The following HEG1 variants were observed in gnomAD, a reference collection of about 807,000 sequenced individuals.
The protein encoded by HEG1 is protein HEG homolog 1.
In HEG1, 56 loss-of-function variants were observed where a neutral mutation model predicts 125.6. That is an observed-to-expected ratio of 0.45 (90% confidence interval 0.36 to 0.56). HEG1 has a LOEUF of 0.56. Ranked by LOEUF, HEG1 falls within the 20% of genes least tolerant of loss-of-function variation. HEG1 has a pLI of 0.00. For missense variants in HEG1, 1,523 were observed against 1,670.0 expected (o/e 0.91, Z 1.53); for synonymous variants, 644 against 668.5 (o/e 0.96, Z 0.57).
rs930191321 is a variant in HEG1 at position 125,021,243 on chromosome 3, T to C, written c.914-113A>G. ...TTTTGGTGGATACATCTAAATACCA[T>C]GGACCTAATATAGATACAAACATAT... On this transcript the variant is annotated intron_variant, in intron 3 of 16. Transcript: ENST00000311127. 15 of 755,970 alleles carry C rather than the reference T, an allele frequency of 2.0e-5. No individual in the cohort carries two copies. In the East Asian group the frequency reaches 2.4e-4, roughly 12 times the overall value. 46.8% of individuals were successfully genotyped at this position (755,970 alleles called of 1,614,324 possible).
intron 10 of HEG1, 32 bp from the exon 11 acceptor site, chr3:125,002,044 C>T: frequency 6.2e-7 from 1 of 1,612,158 alleles, no homozygotes; most frequent in Non-Finnish European, 8.5e-7. Context: ...TTTTAACAGC[C>T]CTGAAATGAC....
intron 5 of HEG1, among the ~76,000 whole-genome samples, chr3:125,018,823 G>GGAA (rs1192330826): frequency 2.7e-5 from 4 of 150,618 alleles, no homozygotes; most frequent in African/African-American, 9.8e-5. Flanking sequence ...AAATAAGGAA[G>GGAA]GAAGGTGGAG....
At position 125,027,377 on chromosome 3, in the gene HEG1, A is replaced by G; in HGVS notation, c.741T>C (p.Thr247=). Residue 247 remains threonine (T), a synonymous_variant, in exon 3 of 17, where the codon ACT becomes ACC. Coordinates refer to ENST00000311127, the MANE Select transcript of HEG1 (RefSeq NM_020733.2). The part of the protein sequence containing the change: ...ERAMGLSEEW[T]VHSQEATTSA... ...AAGTGGTGGCCTCTTGGCTGTGCAC[A>G]GTCCATTCTTCTGACAGCCCCATCG... 6.2e-7 allele frequency: 1 copy of G among 1,614,016 alleles called. No individual in the cohort carries two copies. The highest frequency in any genetic ancestry group is 2.2e-5 in the East Asian group (1 of 44,888).
intron 16 of HEG1, among the ~76,000 whole-genome samples, chr3:124,972,987 G>GTTT (rs1003587023): frequency 6.6e-6 from 1 of 150,598 alleles, no homozygotes; most frequent in Admixed American, 6.7e-5. Flanking sequence ...CCCCTAGTTG[G>GTTT]TTTTTTTGTT....
At chr3:124,987,017 G>A (rs1337957453) in intron 14 of HEG1, among the ~76,000 whole-genome samples, 5 of 152,018 alleles carry the variant, frequency 3.3e-5, no homozygotes, top group African/African-American at 9.7e-5. Context: ...TCTTCCATTC[G>A]CTGAGAAACA....
At chr3:125,005,014 T>C (rs373911344) in intron 9 of HEG1, among the ~76,000 whole-genome samples, 2 of 152,162 alleles carry the variant, frequency 1.3e-5, no homozygotes, top group African/African-American at 4.8e-5. Flanking sequence ...AGTTTGCACA[T>C]GGAAAAGAAA....
At chr3:124,990,369 C>T (rs1408424852) in intron 14 of HEG1, among the ~76,000 whole-genome samples, 1 of 149,872 alleles carries the variant, frequency 6.7e-6, no homozygotes. Context: ...AACGAAGTGT[C>T]GCTCTGTAAC....
At chr3:125,044,442 A>G (rs924541373) in intron 1 of HEG1, among the ~76,000 whole-genome samples, 3 of 152,172 alleles carry the variant, frequency 2.0e-5, no homozygotes, top group African/African-American at 7.2e-5. Context: ...AATGATTATT[A>G]TTGTTATATT....
At chr3:124,995,995 C>T (rs1013521945) in intron 12 of HEG1, among the ~76,000 whole-genome samples, 3 of 152,208 alleles carry the variant, frequency 2.0e-5, no homozygotes, top group Admixed American at 1.3e-4. Flanking sequence ...CCTCTGCCCA[C>T]CTTGTGTCAT....
chr3:125,026,517 G>A (rs991418542), intron 3 of HEG1, among the ~76,000 whole-genome samples: 1 of 152,130 alleles, frequency 6.6e-6, no homozygotes, highest in African/African-American at 2.4e-5. Context: ...CTAATATCAC[G>A]CCTTGCAAAC....
intron 14 of HEG1, among the ~76,000 whole-genome samples, chr3:124,981,854 A>G (rs992357945): frequency 6.6e-6 from 1 of 151,308 alleles, no homozygotes; most frequent in African/African-American, 2.4e-5. Context: ...TTACATATGC[A>G]CACACACACA....
rs550349540 is a variant in HEG1, at chr3:125,029,019, G to A, written c.610+176C>T. On this transcript the variant is annotated intron_variant, in intron 2 of 16. Transcript: ENST00000311127. ...ACCAGCAAATCTGCACCCTTGTCTGGTCTGTATTGGCAAGCATAATACATA... is the reference window on the plus strand; with the variant it reads ...ACCAGCAAATCTGCACCCTTGTCTGATCTGTATTGGCAAGCATAATACATA... Among the ~76,000 whole-genome samples the A allele has an allele frequency of 3.3e-5, 5 of 152,302 alleles. No homozygotes were observed. In the South Asian group the frequency reaches 1.0e-3, roughly 32 times the overall value.
chr3:125,019,669 G>T (rs990534295), intron 4 of HEG1, 72 bp from the exon 5 acceptor site: 1 of 1,191,632 alleles, frequency 8.4e-7, no homozygotes, highest in Non-Finnish European at 1.2e-6. Flanking sequence ...TAAGAAGTGA[G>T]ACCTCTCTAG....
rs1936325706 is a variant in HEG1, at chr3:124,966,950, C to T, written c.*3702G>A. 6.6e-6 allele frequency: 1 copy of T among 152,218 alleles called. No homozygotes were observed. The highest frequency in any genetic ancestry group is 2.4e-5 in the African/African-American group (1 of 41,438). 9.4% of individuals were successfully genotyped at this position (152,218 alleles called of 1,614,324 possible). A position where few individuals can be genotyped will look rare whatever the true frequency, so the allele number is the denominator to read the frequency against. On this transcript the variant is annotated 3_prime_UTR_variant, in exon 17 of 17. Transcript: ENST00000311127. ...CTTCAATGGCATATTCTTGGGTAGC[C>T]ATCCAGCCTAGGAGTCCAAAGATGC...
intron 6 of HEG1, among the ~76,000 whole-genome samples, chr3:125,011,277 T>C (rs1937154512): frequency 6.6e-6 from 1 of 150,666 alleles, no homozygotes; most frequent in South Asian, 2.1e-4. Flanking sequence ...TGAAAACAAA[T>C]GAGCTAAACC....
intron 9 of HEG1, among the ~76,000 whole-genome samples, chr3:125,004,148 G>A (rs1435249233): frequency 1.3e-5 from 2 of 152,252 alleles, no homozygotes; most frequent in Admixed American, 6.5e-5. Context: ...ATCTGACATC[G>A]TCCCTATCAT....
chr3:125,037,485 A>C (rs1937558985), intron 1 of HEG1, among the ~76,000 whole-genome samples: 1 of 152,226 alleles, frequency 6.6e-6, no homozygotes, highest in South Asian at 2.1e-4. Flanking sequence ...TTGATGGCAT[A>C]GCTGAAAGAC....
chr3:124,976,497 ATT>A (rs35716888), intron 15 of HEG1, among the ~76,000 whole-genome samples: 184 of 141,842 alleles, frequency 1.3e-3, no homozygotes, highest in African/African-American at 3.5e-3. Context: ...GCTATTTTCT[ATT>A]TTTTTTTTTT....
chr3:124,987,924 T>TACACACACACACACACACACACACAC lies in HEG1; in HGVS notation c.3733+2837_3733+2862dup, dbSNP rs67009322. Among the ~76,000 whole-genome samples, 105 of 67,584 alleles carry TACACACACACACACACACACACACAC rather than the reference T, an allele frequency of 1.6e-3. 4 individuals carry two copies. Among genetic ancestry groups the TACACACACACACACACACACACACAC allele is most frequent in the Non-Finnish European group, 1.7e-3 (56 of 32,632 alleles). 44.3% of individuals were successfully genotyped at this position (67,584 alleles called of 152,430 possible). Reference sequence around the variant, plus strand: ...TCTCTTCTGAAAGACTATATATGTGTACACACACACACACACACACACACA... The same window carrying TACACACACACACACACACACACACAC: ...TCTCTTCTGAAAGACTATATATGTGTACACACACACACACACACACACACACACACACACACACACACACACACACA... On this transcript the variant is annotated intron_variant, in intron 14 of 16. Transcript: ENST00000311127.
Sources: gnomAD v4.1 joint callset for allele counts (sites outside exome capture counted in the v4.1 genomes callset) on GRCh38, gnomAD v4.1.1 for gene constraint, MANE v1.5 for transcripts, NCBI Gene and HGNC (gene_info 2026-07-23, HGNC 2026-07-21) for gene names.